Variants in CDC123 observed in about 807,000 individuals in gnomAD.
The protein encoded by CDC123 is cell division cycle 123.
Under a neutral mutation model 54.4 loss-of-function variants are expected in CDC123, and 37 were observed. That is an observed-to-expected ratio of 0.68 (90% CI 0.52 to 0.89). The LOEUF is 0.89. Ranked by LOEUF, CDC123 falls within the 40% of genes least tolerant of loss-of-function variation. The probability of loss-of-function intolerance (pLI) is 0.00; values close to 1 mark genes in which losing one functional copy is unlikely to be tolerated. For missense variants in CDC123, 361 were observed against 412.1 expected, an observed-to-expected ratio of 0.88 and a Z score of 1.07; for synonymous variants, 144 against 136.8, an observed-to-expected ratio of 1.05 and a Z score of -0.37.
chr10:12,236,130 A>G (rs1294477903), intron 8 of CDC123, among the ~76,000 whole-genome samples: 1 of 152,248 alleles, frequency 6.6e-6, no homozygotes, highest in Admixed American at 6.5e-5. Context: ...CTTGAAGAAT[A>G]TTTGATATTT....
At chr10:12,227,778 G>A (rs1588678449) in intron 6 of CDC123, among the ~76,000 whole-genome samples, 1 of 152,234 alleles carries the variant, frequency 6.6e-6, no homozygotes. Context: ...TTACAGGCGT[G>A]AGTCACCGCA....
At chr10:12,226,151 G>A (rs1411758134) in intron 6 of CDC123, among the ~76,000 whole-genome samples, 1 of 152,160 alleles carries the variant, frequency 6.6e-6, no homozygotes. Flanking sequence ...AGTCTCCCAT[G>A]TCTACTTCTT....
At chr10:12,242,999 C>T (rs1348558654) in intron 10 of CDC123, among the ~76,000 whole-genome samples, 3 of 151,932 alleles carry the variant, frequency 2.0e-5, no homozygotes, top group East Asian at 1.9e-4. Flanking sequence ...GAAGTTACAG[C>T]TGGGTTTTTT....
chr10:12,231,151 A>G (rs1049041367), intron 7 of CDC123, among the ~76,000 whole-genome samples, 155 bp downstream of exon 7: 6 of 152,230 alleles, frequency 3.9e-5, no homozygotes, highest in Non-Finnish European at 8.8e-5. Context: ...ATACACATAA[A>G]AGGATATATA....
At chr10:12,249,805 G>T (rs1275662281) in intron 12 of CDC123, 87 bp downstream of exon 12, 2 of 1,478,138 alleles carry the variant, frequency 1.4e-6, no homozygotes, top group South Asian at 2.9e-5. Context: ...TTGGAATCCT[G>T]TATCACCTAG....
rs747223474 is a variant in CDC123, at chr10:12,249,752, C to G, written c.984+34C>G. 2.6e-6 allele frequency: 4 copies of G among 1,567,144 alleles called. No individual in the cohort carries two copies. In the South Asian group the frequency reaches 3.6e-5, roughly 14 times the overall value. Reference sequence around the variant, plus strand: ...TATGTGCATTTAGTATGCTGGCCATCTTTTCAAATAGACCTTCAAATTGGC... The same window carrying G: ...TATGTGCATTTAGTATGCTGGCCATGTTTTCAAATAGACCTTCAAATTGGC... On this transcript the variant is annotated intron_variant, in intron 12 of 12. Transcript: ENST00000281141.
intron 9 of CDC123, 28 bp from the exon 10 acceptor site, chr10:12,238,429 A>C: frequency 6.3e-7 from 1 of 1,595,546 alleles, no homozygotes; most frequent in African/African-American, 1.4e-5. Context: ...TTAGTTCATT[A>C]ATAACTGACT....
chr10:12,233,475 A>G (rs1450251013), intron 7 of CDC123, among the ~76,000 whole-genome samples: 2 of 152,188 alleles, frequency 1.3e-5, no homozygotes, highest in Non-Finnish European at 2.9e-5. Flanking sequence ...AATCAACCAC[A>G]GTGTATGTAT....
At chr10:12,228,631 C>T (rs939880700) in intron 6 of CDC123, among the ~76,000 whole-genome samples, 25 of 152,242 alleles carry the variant, frequency 1.6e-4, no homozygotes, top group African/African-American at 4.3e-4. Context: ...AGTGCAACGG[C>T]GCGATCTTGG....
intron 2 of CDC123, among the ~76,000 whole-genome samples, chr10:12,205,474 T>C (rs1835506478): frequency 6.6e-6 from 1 of 152,250 alleles, no homozygotes; most frequent in Non-Finnish European, 1.5e-5. Flanking sequence ...CCCAAGCATT[T>C]TGGATATAGG....
In CDC123 at chr10:12,237,770, A is replaced by G. The variant is rs536989483; in HGVS notation, c.688+504A>G. 8.5e-5 allele frequency among the ~76,000 whole-genome samples: 13 copies of G among 152,250 alleles called. No individual in the cohort carries two copies. In the South Asian group the frequency reaches 2.7e-3, roughly 32 times the overall value. The stretch of plus-strand genomic sequence containing the variant: ...TCTTATTTAACTAAAATCTATTTTT[A>G]CTGCTAAGTCAGTTCCCTGTCTTGT... On this transcript the variant is annotated intron_variant, in intron 9 of 12. Coordinates refer to ENST00000281141, the MANE Select transcript of CDC123 (RefSeq NM_006023.3).
chr10:12,226,477 G>T (rs187013890), intron 6 of CDC123, among the ~76,000 whole-genome samples: 5 of 151,338 alleles, frequency 3.3e-5, no homozygotes, highest in African/African-American at 1.2e-4. Flanking sequence ...GCTGCTGGGC[G>T]GAGGGGCTCC....
chr10:12,228,467 G>A (rs1257378427), intron 6 of CDC123, among the ~76,000 whole-genome samples: 3 of 151,038 alleles, frequency 2.0e-5, no homozygotes, highest in East Asian at 1.9e-4. Context: ...GTGCAGTGGC[G>A]CAATCTCGGC....
intron 2 of CDC123, among the ~76,000 whole-genome samples, chr10:12,204,956 G>A (rs1192551972): frequency 3.0e-5 from 4 of 133,504 alleles, no homozygotes; most frequent in African/African-American, 8.6e-5. Context: ...TCGTGCCACT[G>A]CACTCCAGCC....
chr10:12,249,798 G>C, intron 12 of CDC123, 80 bp downstream of exon 12: 1 of 1,499,618 alleles, frequency 6.7e-7, no homozygotes, highest in Non-Finnish European at 8.9e-7. Context: ...TATTTCATTG[G>C]AATCCTGTAT....
chr10:12,215,694 A>G (rs1487241461), intron 4 of CDC123, 46 bp from the exon 5 acceptor site: 1 of 1,138,404 alleles, frequency 8.8e-7, no homozygotes, highest in African/African-American at 1.6e-5. Context: ...TTATATATAT[A>G]CTGTGATGAT....
chr10:12,200,120 A>AATTTTTTTT (rs1554805191), intron 2 of CDC123, among the ~76,000 whole-genome samples: 3 of 59,356 alleles, frequency 5.1e-5, no homozygotes, highest in Admixed American at 5.6e-4. Context: ...CGCACTCGGC[A>AATTTTTTTT]TTTTTTTTTT....
intron 6 of CDC123, among the ~76,000 whole-genome samples, chr10:12,222,733 A>AT (rs1204023825): frequency 6.6e-6 from 1 of 152,118 alleles, no homozygotes; most frequent in Non-Finnish European, 1.5e-5. Flanking sequence ...AGGTCAGGGA[A>AT]TTTGATTTGT....
intron 5 of CDC123, among the ~76,000 whole-genome samples, chr10:12,216,171 TA>T (rs948060965): frequency 3.9e-5 from 6 of 152,088 alleles, no homozygotes; most frequent in African/African-American, 1.2e-4. Flanking sequence ...GTAATAAAAA[TA>T]AAAAAAGTAA....
Sources: gnomAD v4.1 joint callset for allele counts (sites outside exome capture counted in the v4.1 genomes callset) on GRCh38, gnomAD v4.1.1 for gene constraint, MANE v1.5 for transcripts, NCBI Gene and HGNC (gene_info 2026-07-23, HGNC 2026-07-21) for gene names.